Variants in EIF4G3 observed in about 807,000 individuals in gnomAD.
The protein encoded by EIF4G3 is eukaryotic translation initiation factor 4 gamma 3, also known as eIF-4-gamma 3.
EIF4G3 carries 34 observed loss-of-function variants against 186.4 expected under a neutral mutation model. The observed-to-expected ratio is 0.18, with a 90% CI of 0.14 to 0.24. The LOEUF is 0.24. Ranked by LOEUF, EIF4G3 falls within the 10% of genes least tolerant of loss-of-function variation. The pLI is 1.00. For synonymous variants in EIF4G3, 673 were observed against 679.5 expected, an observed-to-expected ratio of 0.99 and a Z score of 0.15; for missense variants, 1,536 against 1,948.5, an observed-to-expected ratio of 0.79 and a Z score of 3.99.
Position 20,817,567 on chromosome 1 carries a change from T to A in EIF4G3, c.4369-29A>T, listed in dbSNP as rs761762568. 6 of 1,414,816 alleles carry A rather than the reference T, an allele frequency of 4.2e-6. No homozygotes were observed. In the Admixed American group the frequency reaches 6.6e-5, roughly 16 times the overall value. The allele number at this position is 1,414,816 out of a possible 1,614,324, so 87.6% of individuals were successfully genotyped here. ...AAACATAAAAGGTGGAACATATTAA[T>A]ATATTAATATAATTCTATGTTATTG... On this transcript the variant is annotated intron_variant, in intron 33 of 36. Coordinates refer to ENST00000602326, the MANE Select transcript of EIF4G3 (RefSeq NM_001391906.1).
intron 16 of EIF4G3, among the ~76,000 whole-genome samples, chr1:20,896,635 G>A (rs1441348253): frequency 1.3e-5 from 2 of 152,054 alleles, no homozygotes; most frequent in South Asian, 2.1e-4. Context: ...TAAATGTAGT[G>A]TGCCCTAATG....
intron 4 of EIF4G3, among the ~76,000 whole-genome samples, chr1:21,021,243 C>G (rs1043468783): frequency 6.6e-5 from 10 of 152,328 alleles, no homozygotes; most frequent in Admixed American, 4.6e-4. Context: ...CTCAGCCCCC[C>G]AAAGTGCTGG....
intron 13 of EIF4G3, among the ~76,000 whole-genome samples, chr1:20,944,334 G>A (rs190248220): frequency 1.2e-4 from 19 of 152,094 alleles, no homozygotes; most frequent in African/African-American, 4.1e-4. Context: ...CGGCAACATA[G>A]TGAGACCTTT....
chr1:21,149,647 A>T (rs1311910588), intron 2 of EIF4G3, among the ~76,000 whole-genome samples: 1 of 152,152 alleles, frequency 6.6e-6, no homozygotes, highest in African/African-American at 2.4e-5. Flanking sequence ...CACACACAGC[A>T]ACTTTAATTC....
intron 4 of EIF4G3, among the ~76,000 whole-genome samples, chr1:21,012,498 C>G (rs77412995): frequency 8.5e-5 from 13 of 152,192 alleles, no homozygotes; most frequent in African/African-American, 2.9e-4. Context: ...ACCAAGATAA[C>G]AGACTACGAT....
chr1:21,173,125 G>A (rs1468528232), intron 2 of EIF4G3, among the ~76,000 whole-genome samples: 4 of 101,414 alleles, frequency 3.9e-5, no homozygotes, highest in Admixed American at 2.9e-4. Flanking sequence ...GCAACAGAGC[G>A]AGACTCAATC....
At chr1:20,821,152 G>A (rs183802706) in intron 33 of EIF4G3, among the ~76,000 whole-genome samples, 142 of 152,274 alleles carry the variant, frequency 9.3e-4, no homozygotes, top group African/African-American at 3.3e-3. Flanking sequence ...ACTTTTGATA[G>A]TCACAGCCCT....
chr1:21,051,017 T>C (rs1394032429), intron 3 of EIF4G3, 23 bp from the exon 4 acceptor site: 1 of 716,976 alleles, frequency 1.4e-6, no homozygotes, highest in South Asian at 1.5e-5. Flanking sequence ...CAATATTTAG[T>C]AAGAACATTA....
intron 24 of EIF4G3, among the ~76,000 whole-genome samples, chr1:20,858,128 T>G (rs1202779004): frequency 2.6e-5 from 4 of 152,330 alleles, no homozygotes; most frequent in African/African-American, 9.6e-5. Flanking sequence ...CCTTCAGCTG[T>G]GCTCATCATG....
intron 20 of EIF4G3, among the ~76,000 whole-genome samples, chr1:20,868,014 G>A (rs955564362): frequency 2.6e-5 from 4 of 151,646 alleles, no homozygotes; most frequent in African/African-American, 9.7e-5. Context: ...TCTGGGGATG[G>A]TTAACAGGGC....
At chr1:20,932,479 C>T (rs756258240) in intron 14 of EIF4G3, among the ~76,000 whole-genome samples, 1 of 152,118 alleles carries the variant, frequency 6.6e-6, no homozygotes, top group Non-Finnish European at 1.5e-5. Flanking sequence ...CCTCACTAAG[C>T]TTAATCATTT....
At chr1:21,015,152 G>A (rs1403174138) in intron 4 of EIF4G3, among the ~76,000 whole-genome samples, 1 of 151,850 alleles carries the variant, frequency 6.6e-6, no homozygotes, top group African/African-American at 2.4e-5. Context: ...CACTAGAAGA[G>A]TACAAAAGCA....
chr1:20,928,566 C>T (rs1291692557), intron 14 of EIF4G3, among the ~76,000 whole-genome samples: 1 of 152,052 alleles, frequency 6.6e-6, no homozygotes, highest in Admixed American at 6.6e-5. Context: ...CCATGCCTGG[C>T]TATTTTTTTC....
chr1:21,148,363 T>C (rs1381665574), intron 2 of EIF4G3, among the ~76,000 whole-genome samples: 1 of 150,920 alleles, frequency 6.6e-6, no homozygotes, highest in Non-Finnish European at 1.5e-5. Flanking sequence ...TGAGCCACCC[T>C]GCCTGGTCTC....
chr1:20,886,938 T>A (rs1424333201), intron 18 of EIF4G3, among the ~76,000 whole-genome samples: 2 of 152,214 alleles, frequency 1.3e-5, no homozygotes, highest in Admixed American at 1.3e-4. Flanking sequence ...TCTGCTCTGT[T>A]CCTGCTGGAT....
chr1:20,941,265 G>A, intron 14 of EIF4G3: 2 of 1,549,792 alleles, frequency 1.3e-6, no homozygotes, highest in Non-Finnish European at 1.7e-6. Flanking sequence ...ATACCTTGGA[G>A]GCATTTTGTA....
At chr1:21,108,353 T>C (rs1254336922) in intron 2 of EIF4G3, among the ~76,000 whole-genome samples, 3 of 152,190 alleles carry the variant, frequency 2.0e-5, no homozygotes, top group Admixed American at 2.0e-4. Flanking sequence ...TACATATTTA[T>C]ATGTAATATA....
At position 21,099,678 on chromosome 1, in the gene EIF4G3, T is replaced by A. The variant is rs187652931; in HGVS notation, c.-271-10465A>T. Among the ~76,000 whole-genome samples the A allele has an allele frequency of 4.7e-4, 72 of 152,278 alleles. 2 individuals are homozygous for A. Among genetic ancestry groups the A allele is most frequent in the Middle Eastern group, 3.4e-3 (1 of 294 alleles). On this transcript the variant is annotated intron_variant, in intron 2 of 36. Coordinates refer to ENST00000602326, the MANE Select transcript of EIF4G3 (RefSeq NM_001391906.1). ...GCCTAGAGGTTGGGGGCAGAGTTTA[T>A]CCACAAAGGGACATCATTGAAGGAA...
chr1:21,085,095 C>T (rs1024425557), intron 3 of EIF4G3, among the ~76,000 whole-genome samples: 21 of 150,108 alleles, frequency 1.4e-4, no homozygotes, highest in Admixed American at 1.1e-3. Flanking sequence ...AAAGCTGATA[C>T]GAGATAAAGG....
Sources: allele counts gnomAD v4.1 joint callset (sites outside exome capture counted in the v4.1 genomes callset), GRCh38; gene constraint gnomAD v4.1.1; transcripts MANE v1.5; gene names NCBI Gene and HGNC (gene_info 2026-07-23, HGNC 2026-07-21).